The following SLC2A13 variants were observed in gnomAD, a reference collection of about 807,000 sequenced individuals.
SLC2A13 encodes proton myo-inositol cotransporter.
SLC2A13 carries 32 observed loss-of-function variants against 64.4 expected under a neutral mutation model. The observed-to-expected ratio is 0.50, with a 90% CI of 0.37 to 0.67. SLC2A13 has a LOEUF of 0.67. Among genes scored for constraint, SLC2A13 ranks in the 30% least tolerant of loss-of-function variants. The pLI is 0.00. For missense variants in SLC2A13, 743 were observed against 829.2 expected (o/e 0.90, Z 1.28); for synonymous variants, 338 against 327.1 (o/e 1.03, Z -0.36).
At chr12:39,831,629 G>C (rs573025917) in intron 6 of SLC2A13, among the ~76,000 whole-genome samples, 1 of 152,210 alleles carries the variant, frequency 6.6e-6, no homozygotes, top group African/African-American at 2.4e-5. Context: ...CAAAGTTGGA[G>C]GTAGGGCCTG....
At chr12:39,953,955 T>C (rs928869977) in intron 3 of SLC2A13, among the ~76,000 whole-genome samples, 1 of 152,132 alleles carries the variant, frequency 6.6e-6, no homozygotes. Context: ...CTACAGAAGG[T>C]TTTCTAAGTA....
At chr12:39,773,985 C>A (rs891023676) in intron 7 of SLC2A13, among the ~76,000 whole-genome samples, 2 of 152,130 alleles carry the variant, frequency 1.3e-5, no homozygotes, top group Non-Finnish European at 2.9e-5. Context: ...CAGTTCCTGA[C>A]GCAGGACTGT....
intron 4 of SLC2A13, among the ~76,000 whole-genome samples, chr12:39,937,138 G>A (rs1340885656): frequency 2.0e-5 from 3 of 152,194 alleles, no homozygotes; most frequent in Non-Finnish European, 4.4e-5. Context: ...TGAACTCATA[G>A]AGAAGAATAA....
rs1186187401 is a variant in SLC2A13, at chr12:40,105,866, C to A, written c.-58G>T. 1.8e-5 allele frequency: 23 copies of A among 1,313,318 alleles called. No individual in the cohort carries two copies. The highest frequency in any genetic ancestry group is 1.1e-4 in the African/African-American group (7 of 64,594). 81.4% of individuals were successfully genotyped at this position (1,313,318 alleles called of 1,614,324 possible). A position where few individuals can be genotyped will look rare whatever the true frequency, so the allele number is the denominator to read the frequency against. On this transcript the variant is annotated 5_prime_UTR_variant, in exon 1 of 10. Transcript: ENST00000280871. This position sits in a 1 kb window ranked among gnomAD's most constrained non-coding sequence, Gnocchi z 4.2. Reference sequence around the variant, plus strand: ...CGGCTCCGCGGGCCGGCAGTCTCGGCGAGCTAGACAGCCCGAGCCGGCGGG... The same window carrying A: ...CGGCTCCGCGGGCCGGCAGTCTCGGAGAGCTAGACAGCCCGAGCCGGCGGG...
intron 4 of SLC2A13, among the ~76,000 whole-genome samples, chr12:39,921,228 T>C (rs7977137): frequency 0.16 from 24,037 of 152,056 alleles, 2,399 homozygotes; most frequent in Non-Finnish European, 0.23. Flanking sequence ...CTTTGGGAGA[T>C]TTGTTGGCTT....
chr12:40,037,403 A>C (rs1285997212), intron 2 of SLC2A13, among the ~76,000 whole-genome samples: 1 of 152,024 alleles, frequency 6.6e-6, no homozygotes, highest in East Asian at 1.9e-4. Context: ...TGGATTGCTT[A>C]AGCTCAGGAT....
chr12:39,809,697 C>T (rs1018903757), intron 7 of SLC2A13, among the ~76,000 whole-genome samples: 1 of 152,098 alleles, frequency 6.6e-6, no homozygotes, highest in Admixed American at 6.6e-5. Flanking sequence ...TGATGTTCCC[C>T]TTCCTGTGTC....
rs764093007 is a variant in SLC2A13 at position 40,028,287 on chromosome 12, T to G, written c.925+14A>C. 3 of 1,602,526 alleles carry G rather than the reference T, an allele frequency of 1.9e-6. No homozygotes were observed. Among genetic ancestry groups the G allele is most frequent in the South Asian group, 2.2e-5 (2 of 89,716 alleles). ...TATAGTTTTTAAATTCATATAAGTA[T>G]AAAGTCTATATACCTGAGCCAACCT... On this transcript the variant is annotated intron_variant, in intron 3 of 9. Coordinates refer to ENST00000280871, the MANE Select transcript of SLC2A13 (RefSeq NM_052885.4).
chr12:40,086,577 C>A (rs1451353494), intron 1 of SLC2A13, among the ~76,000 whole-genome samples: 1 of 152,150 alleles, frequency 6.6e-6, no homozygotes, highest in African/African-American at 2.4e-5. Context: ...GTTAAATACA[C>A]CACATGCTTT....
chr12:40,088,440 C>T (rs1295801727), intron 1 of SLC2A13, among the ~76,000 whole-genome samples: 1 of 151,866 alleles, frequency 6.6e-6, no homozygotes, highest in African/African-American at 2.4e-5. Flanking sequence ...TTCAAAAGAC[C>T]TTTTTTTTAC....
intron 6 of SLC2A13, among the ~76,000 whole-genome samples, chr12:39,859,794 G>A (rs1254429445): frequency 6.6e-6 from 1 of 152,092 alleles, no homozygotes; most frequent in Non-Finnish European, 1.5e-5. Flanking sequence ...CCAAAGTGCT[G>A]GGATTACACG....
intron 7 of SLC2A13, among the ~76,000 whole-genome samples, chr12:39,815,602 G>A (rs10747886): frequency 0.71 from 107,224 of 152,026 alleles, 38,285 homozygotes; most frequent in African/African-American, 0.81. Flanking sequence ...TTTGGGGGAC[G>A]GTAAGAGGCG....
At chr12:39,995,912 C>T (rs536268047) in intron 3 of SLC2A13, among the ~76,000 whole-genome samples, 4 of 152,318 alleles carry the variant, frequency 2.6e-5, no homozygotes, top group South Asian at 4.2e-4. Context: ...TATGATTGTG[C>T]GGCTTCCCCA....
intron 6 of SLC2A13, among the ~76,000 whole-genome samples, chr12:39,864,379 A>G (rs921426597): frequency 6.6e-5 from 10 of 152,244 alleles, no homozygotes; most frequent in African/African-American, 2.2e-4. Context: ...GGGCATGTGC[A>G]TCTTGTAAAA....
chr12:39,951,097 AT>A (rs1342813124), intron 4 of SLC2A13, 159 bp downstream of exon 4: 4 of 529,514 alleles, frequency 7.6e-6, no homozygotes, highest in African/African-American at 5.9e-5. Flanking sequence ...AATTACTGGA[AT>A]TAAAAAATTG....
intron 4 of SLC2A13, chr12:39,907,910 C>G (rs1036702987): frequency 6.6e-6 from 1 of 151,728 alleles, no homozygotes; most frequent in Non-Finnish European, 1.5e-5. Context: ...CCCACCCATT[C>G]TTTTTCCCGG....
intron 3 of SLC2A13, among the ~76,000 whole-genome samples, chr12:40,026,264 G>A (rs549211029): frequency 6.6e-6 from 1 of 152,314 alleles, no homozygotes; most frequent in East Asian, 1.9e-4. Flanking sequence ...ACTCAAGCAT[G>A]AGCAAACGTT....
intron 3 of SLC2A13, among the ~76,000 whole-genome samples, chr12:39,955,705 T>C (rs1946303406): frequency 6.6e-6 from 1 of 152,000 alleles, no homozygotes; most frequent in East Asian, 1.9e-4. Context: ...TCATCCAGGT[T>C]TTCCCTAAAT....
chr12:39,786,075 GC>G (rs1941173210), intron 7 of SLC2A13, among the ~76,000 whole-genome samples: 1 of 152,090 alleles, frequency 6.6e-6, no homozygotes, highest in African/African-American at 2.4e-5. Flanking sequence ...TGTTGGGAAG[GC>G]ATGATTAGTT....
Sources: gnomAD v4.1 joint callset for allele counts (sites outside exome capture counted in the v4.1 genomes callset) on GRCh38, gnomAD v4.1.1 for gene constraint, Gnocchi (gnomAD v3.1) non-coding constraint, MANE v1.5 for transcripts, NCBI Gene and HGNC (gene_info 2026-07-23, HGNC 2026-07-21) for gene names.